Variants in PXDNL observed in about 807,000 individuals in gnomAD.
The protein encoded by PXDNL is peroxidasin like.
A neutral mutation model predicts 150.8 loss-of-function variants in PXDNL; 145 were observed. That is an observed-to-expected ratio of 0.96 (90% CI 0.84 to 1.10). The LOEUF is 1.10. PXDNL is among the 50% of genes least tolerant of loss of function. The probability of loss-of-function intolerance (pLI) is 0.00; values close to 1 mark genes in which losing one functional copy is unlikely to be tolerated. For missense variants in PXDNL, 2,087 were observed against 1,873.9 expected (o/e 1.11, Z -2.10); for synonymous variants, 757 against 725.7 (o/e 1.04, Z -0.69).
intron 1 of PXDNL, among the ~76,000 whole-genome samples, chr8:51,785,477 T>C (rs1217396823): frequency 6.6e-6 from 1 of 152,212 alleles, no homozygotes; most frequent in Non-Finnish European, 1.5e-5. Context: ...CAACCCTGAG[T>C]GGAGCAAGTC....
chr8:51,348,716 A>C (rs567377633), intron 19 of PXDNL, among the ~76,000 whole-genome samples: 10 of 152,320 alleles, frequency 6.6e-5, no homozygotes, highest in African/African-American at 2.2e-4. Flanking sequence ...TAGGCTTTAC[A>C]TGAGTTATTT....
chr8:51,771,379 T>C lies in PXDNL; in HGVS notation c.164+37802A>G, dbSNP rs2037291191. On this transcript the variant is annotated intron_variant, in intron 1 of 22. Coordinates refer to ENST00000356297, the MANE Select transcript of PXDNL (RefSeq NM_144651.5). Reference sequence around the variant, plus strand: ...CTTTACTATCTACACCAGAAGCTTATAATTTAGAGGAAAAATAAACATTTA... The same window carrying C: ...CTTTACTATCTACACCAGAAGCTTACAATTTAGAGGAAAAATAAACATTTA... Among the ~76,000 whole-genome samples, 3 of 152,244 alleles carry C rather than the reference T, an allele frequency of 2.0e-5. No individual in the cohort carries two copies. The East Asian group carries it at 5.8e-4, about 29-fold the overall frequency.
intron 4 of PXDNL, among the ~76,000 whole-genome samples, chr8:51,525,745 G>A (rs1811757584): frequency 6.6e-6 from 1 of 152,212 alleles, no homozygotes; most frequent in South Asian, 2.1e-4. Context: ...GAGCACTGAA[G>A]GAACCAGGGC....
chr8:51,363,819 C>A (rs768556797), intron 19 of PXDNL, among the ~76,000 whole-genome samples: 2 of 152,114 alleles, frequency 1.3e-5, no homozygotes, highest in African/African-American at 4.8e-5. Flanking sequence ...TGTATAAAAG[C>A]TTTCCCATGC....
chr8:51,539,286 TAAAC>T (rs903217512), intron 4 of PXDNL, among the ~76,000 whole-genome samples: 5 of 152,140 alleles, frequency 3.3e-5, no homozygotes, highest in East Asian at 3.8e-4. Flanking sequence ...TTTCGAATGA[TAAAC>T]TAACTTGCAT....
At chr8:51,459,596 C>T (rs1810018383) in intron 8 of PXDNL, among the ~76,000 whole-genome samples, 1 of 152,196 alleles carries the variant, frequency 6.6e-6, no homozygotes, top group South Asian at 2.1e-4. Context: ...TAATTTCCCT[C>T]TTTGTCCATA....
At chr8:51,549,405 T>C (rs1480388965) in intron 4 of PXDNL, among the ~76,000 whole-genome samples, 2 of 152,020 alleles carry the variant, frequency 1.3e-5, no homozygotes, top group Non-Finnish European at 2.9e-5. Flanking sequence ...CATGGAACAT[T>C]CTCCAAGATA....
intron 1 of PXDNL, among the ~76,000 whole-genome samples, chr8:51,695,025 A>G (rs1265051572): frequency 2.6e-5 from 4 of 152,188 alleles, no homozygotes; most frequent in Non-Finnish European, 5.9e-5. Context: ...CTGGGCCAAT[A>G]GGTGAGGCCA....
chr8:51,779,519 C>T (rs1376580524), intron 1 of PXDNL, among the ~76,000 whole-genome samples: 4 of 152,192 alleles, frequency 2.6e-5, no homozygotes, highest in Non-Finnish European at 5.9e-5. Flanking sequence ...ATGGGGCTGA[C>T]ACTGAGAACT....
intron 1 of PXDNL, among the ~76,000 whole-genome samples, chr8:51,724,005 A>G (rs959045520): frequency 4.9e-5 from 7 of 142,596 alleles, no homozygotes; most frequent in African/African-American, 1.8e-4. Context: ...ATTGAATAGG[A>G]GTGGAAGGTG....
rs140732465 is a variant in PXDNL at position 51,569,492 on chromosome 8, G to A, written c.309-12581C>T. ...TAAACACACATGACAATTGTATGTC[G>A]CTCTAGGAAGGCAAATAAACATTTC... On this transcript the variant is annotated intron_variant, in intron 3 of 22. Transcript: ENST00000356297. Among the ~76,000 whole-genome samples the A allele has an allele frequency of 1.7e-3, 260 of 151,862 alleles. 3 individuals are homozygous for A. Among genetic ancestry groups the A allele is most frequent in the Non-Finnish European group, 5.9e-4 (40 of 67,874 alleles).
intron 6 of PXDNL, among the ~76,000 whole-genome samples, chr8:51,479,457 T>C (rs566811492): frequency 6.6e-6 from 1 of 152,354 alleles, no homozygotes; most frequent in Admixed American, 6.5e-5. Flanking sequence ...TCTTGGCATT[T>C]TGCATATCCC....
In PXDNL at chr8:51,743,113, A is replaced by T. The variant is rs77263430; in HGVS notation, c.164+66068T>A. ...GAAATTAAAATTATTTTGCCATCTC[A>T]TTAAATGAAACAAAAGAATTGCCTT... On this transcript the variant is annotated intron_variant, in intron 1 of 22. Transcript: ENST00000356297. Among the ~76,000 whole-genome samples the T allele has an allele frequency of 6.0e-3, 917 of 152,348 alleles. 15 individuals are homozygous for T. The highest frequency in any genetic ancestry group is 0.021 in the African/African-American group (874 of 41,566).
intron 4 of PXDNL, among the ~76,000 whole-genome samples, chr8:51,507,809 T>C (rs77161425): frequency 0.065 from 9,921 of 152,192 alleles, 405 homozygotes; most frequent in South Asian, 0.11. Flanking sequence ...ACCAGGGTGT[T>C]GCTCAACGTC....
intron 10 of PXDNL, among the ~76,000 whole-genome samples, chr8:51,453,101 C>G (rs555511176): frequency 6.6e-6 from 1 of 152,216 alleles, no homozygotes; most frequent in Non-Finnish European, 1.5e-5. Context: ...GCTGTTGTTA[C>G]GCAGTCTGGC....
At chr8:51,645,347 G>A (rs1814894478) in intron 2 of PXDNL, among the ~76,000 whole-genome samples, 1 of 152,162 alleles carries the variant, frequency 6.6e-6, no homozygotes, top group African/African-American at 2.4e-5. Context: ...CAGAAATCAT[G>A]TCTAATCACA....
At chr8:51,646,150 T>A (rs932472028) in intron 2 of PXDNL, among the ~76,000 whole-genome samples, 2 of 152,094 alleles carry the variant, frequency 1.3e-5, no homozygotes, top group Non-Finnish European at 2.9e-5. Context: ...TAATGTTAAG[T>A]GAAGTCTTAA....
chr8:51,347,085 G>A (rs1407515763), intron 19 of PXDNL, among the ~76,000 whole-genome samples: 1 of 152,076 alleles, frequency 6.6e-6, no homozygotes, highest in Non-Finnish European at 1.5e-5. Flanking sequence ...GAAAATACCT[G>A]AAAAAATAAA....
intron 1 of PXDNL, among the ~76,000 whole-genome samples, chr8:51,758,171 T>C (rs1687154046): frequency 1.3e-5 from 2 of 152,214 alleles, no homozygotes; most frequent in South Asian, 4.1e-4. Flanking sequence ...AGTAAAGCTA[T>C]TTGTAATTAA....
Sources: allele counts gnomAD v4.1 joint callset (sites outside exome capture counted in the v4.1 genomes callset), GRCh38; gene constraint gnomAD v4.1.1; transcripts MANE v1.5; gene names NCBI Gene and HGNC (gene_info 2026-07-23, HGNC 2026-07-21).